The following CACNB4 variants were observed in gnomAD, a reference collection of about 807,000 sequenced individuals.
The protein encoded by CACNB4 is voltage-dependent L-type calcium channel subunit beta-4.
CACNB4 carries 32 observed loss-of-function variants against 71.2 expected under a neutral mutation model. The observed-to-expected ratio is 0.45, with a 90% CI of 0.34 to 0.60. The LOEUF is 0.60. CACNB4 is among the 20% of genes least tolerant of loss of function. CACNB4 has a pLI of 0.01. For missense variants in CACNB4, 464 were observed against 647.9 expected (o/e 0.72, Z 3.08); for synonymous variants, 231 against 236.9 (o/e 0.97, Z 0.23).
At chr2:151,844,065 A>T (rs1475106407) in intron 12 of CACNB4, among the ~76,000 whole-genome samples, 1 of 152,174 alleles carries the variant, frequency 6.6e-6, no homozygotes, top group Non-Finnish European at 1.5e-5. Flanking sequence ...AACCAAGAAC[A>T]GTTATTAGTA....
chr2:151,981,363 A>G (rs2099874689), intron 2 of CACNB4, among the ~76,000 whole-genome samples: 1 of 152,096 alleles, frequency 6.6e-6, no homozygotes, highest in South Asian at 2.1e-4. Flanking sequence ...AGCCTAGTCT[A>G]GTAGATATTT....
chr2:151,883,282 T>C lies in CACNB4; in HGVS notation c.236A>G (p.Gln79Arg). The change falls in exon 3 of 14, where the codon CAG (glutamine) becomes CGG (arginine). Residue 79 changes from glutamine (Q) to arginine (R), a missense_variant. Around this residue, in one of 3 missense-constraint regions of CACNB4, gnomAD observed 299 missense variants for 471.7 expected, o/e 0.63. Coordinates refer to ENST00000539935, the MANE Select transcript of CACNB4 (RefSeq NM_000726.5). ...TCTCTCAAGCTGGATAGCTGCTTGC[T>C]GTTCTCTCTCCTGTCGAATTGCTTC... Reference protein sequence around the residue: ...DREAIRQEREQQAAIQLERAK... With the variant: ...DREAIRQERERQAAIQLERAK... 1 of 1,614,002 alleles carries C rather than the reference T, an allele frequency of 6.2e-7. No individual in the cohort carries two copies. Among genetic ancestry groups the C allele is most frequent in the Non-Finnish European group, 8.5e-7 (1 of 1,179,870 alleles).
At chr2:151,854,696 C>A (rs115819559) in intron 11 of CACNB4, among the ~76,000 whole-genome samples, 1,536 of 152,308 alleles carry the variant, frequency 0.01, 24 homozygotes, top group African/African-American at 0.035. Flanking sequence ...AAGCAAATTT[C>A]CCATTGTGCT....
In CACNB4 at chr2:151,871,899, C is replaced by T. The variant is rs549210839; in HGVS notation, c.598+518G>A. 14 of 155,500 alleles carry T rather than the reference C, an allele frequency of 9.0e-5. No homozygotes were observed. In the South Asian group the frequency reaches 1.4e-3, roughly 15 times the overall value. The allele number at this position is 155,500 out of a possible 1,614,324, so 9.6% of individuals were successfully genotyped here. On this transcript the variant is annotated intron_variant, in intron 6 of 13. Transcript: ENST00000539935. Reference sequence around the variant, plus strand: ...CAATTCCCTATTAGGCCACCAATATCTCTTCATTACCATTAATTCCAGGGC... The same window carrying T: ...CAATTCCCTATTAGGCCACCAATATTTCTTCATTACCATTAATTCCAGGGC...
In CACNB4 at chr2:151,870,610, G is replaced by A. The variant is rs750116399; in HGVS notation, c.620C>T (p.Thr207Met). 48 of 1,612,626 alleles carry A rather than the reference G, an allele frequency of 3.0e-5. No individual in the cohort carries two copies. The highest frequency in any genetic ancestry group is 1.6e-4 in the East Asian group (7 of 44,886). ...AACATCGTAAGGAGGAATGTGCTCC[G>A]TCTGAAAAAGATGATTCGACACGCG... ...TSTAKQKQKV[T>M]EHIPPYDVVP... Residue 207 changes from threonine to methionine, a missense_variant and splice_region_variant, in exon 8 of 14, where the codon ACG becomes ATG. Physicochemically the swap from Thr to Met is moderately conservative, Grantham distance 81. This residue lies in a region of CACNB4 where 299 missense variants were observed against 471.7 expected (regional missense o/e 0.63). Transcript: ENST00000539935.
intron 3 of CACNB4, among the ~76,000 whole-genome samples, chr2:151,881,479 G>A (rs2099847830): frequency 6.6e-6 from 1 of 152,210 alleles, no homozygotes; most frequent in Non-Finnish European, 1.5e-5. Flanking sequence ...TCTAGCTAAC[G>A]AAGCTGGTTT....
At chr2:152,073,039 T>G (rs532814200) in intron 2 of CACNB4, among the ~76,000 whole-genome samples, 10 of 152,278 alleles carry the variant, frequency 6.6e-5, no homozygotes, top group Admixed American at 1.3e-4. Context: ...AACTTACGCT[T>G]TTGCTGAAAA....
At chr2:151,872,621 G>T in intron 5 of CACNB4, 128 bp from the exon 6 acceptor site, 1 of 582,120 alleles carries the variant, frequency 1.7e-6, no homozygotes, top group Non-Finnish European at 3.0e-6. Flanking sequence ...CTGCTATAAA[G>T]AATTTCAAGA....
rs1310215854 is a variant in CACNB4, at chr2:151,968,903, AT to A, written c.148-85534del. The A allele has an allele frequency of 2.6e-5, 4 of 152,378 alleles. No individual in the cohort carries two copies. The East Asian group carries it at 7.7e-4, about 29-fold the overall frequency. 9.4% of individuals were successfully genotyped at this position (152,378 alleles called of 1,614,324 possible). A position where few individuals can be genotyped will look rare whatever the true frequency, so the allele number is the denominator to read the frequency against. On this transcript the variant is annotated intron_variant, in intron 2 of 13. Transcript: ENST00000539935. ...AGAAAATTAACAAGAAAGCAGCAAG[AT>A]TGACAAGCTGGAACAGCAAATTCAT...
chr2:151,924,066 C>T (rs1364984431), intron 2 of CACNB4, among the ~76,000 whole-genome samples: 2 of 129,282 alleles, frequency 1.5e-5, no homozygotes, highest in Non-Finnish European at 3.3e-5. Flanking sequence ...GTAATCTATT[C>T]TGAAATCTTT....
intron 2 of CACNB4, among the ~76,000 whole-genome samples, chr2:151,954,217 T>A (rs965012272): frequency 6.6e-6 from 1 of 152,208 alleles, no homozygotes; most frequent in Admixed American, 6.5e-5. Context: ...TAAACCAGAG[T>A]GGCATGGTTT....
intron 2 of CACNB4, among the ~76,000 whole-genome samples, chr2:151,938,216 G>A (rs1179408235): frequency 6.6e-6 from 1 of 152,200 alleles, no homozygotes; most frequent in African/African-American, 2.4e-5. Context: ...AATAAGGAGA[G>A]TAAAAACCTT....
intron 2 of CACNB4, among the ~76,000 whole-genome samples, chr2:152,056,238 G>A (rs1020486378): frequency 6.6e-6 from 1 of 151,858 alleles, no homozygotes; most frequent in Non-Finnish European, 1.5e-5. Flanking sequence ...GGCAGGGCCT[G>A]TAGTCCCAGC....
At chr2:152,075,566 G>A (rs145346259) in intron 2 of CACNB4, among the ~76,000 whole-genome samples, 151 of 152,248 alleles carry the variant, frequency 9.9e-4, no homozygotes, top group Middle Eastern at 3.4e-3. Context: ...TGAAGGACAC[G>A]GGCAGTGTGG....
intron 5 of CACNB4, among the ~76,000 whole-genome samples, chr2:151,875,583 C>T (rs1184108276): frequency 2.7e-5 from 4 of 147,512 alleles, no homozygotes; most frequent in Non-Finnish European, 6.0e-5. Context: ...GGCAGAGGCG[C>T]CCCTCACCTC....
intron 2 of CACNB4, among the ~76,000 whole-genome samples, chr2:152,069,975 T>C (rs1322358360): frequency 6.6e-6 from 1 of 151,548 alleles, no homozygotes; most frequent in Non-Finnish European, 1.5e-5. Context: ...CCTGAGTAGC[T>C]GCGACTACAG....
chr2:151,871,779 G>T (rs2099844699), intron 6 of CACNB4: 1 of 153,532 alleles, frequency 6.5e-6, no homozygotes, highest in Admixed American at 6.5e-5. Context: ...TGCAACAGCA[G>T]TTCTAGGCCA....
chr2:151,916,750 T>TG (rs999801275), intron 2 of CACNB4, among the ~76,000 whole-genome samples: 7 of 152,246 alleles, frequency 4.6e-5, no homozygotes, highest in African/African-American at 1.7e-4. Context: ...ACTATGGGTT[T>TG]AGAACAGTGG....
At chr2:152,060,912 A>C (rs1023237188) in intron 2 of CACNB4, among the ~76,000 whole-genome samples, 1 of 152,256 alleles carries the variant, frequency 6.6e-6, no homozygotes, top group Non-Finnish European at 1.5e-5. Flanking sequence ...AAGATGTAAC[A>C]AAATGTTAAT....
Sources: gnomAD v4.1 joint callset for allele counts (sites outside exome capture counted in the v4.1 genomes callset) on GRCh38, gnomAD v4.1.1 for gene constraint, gnomAD v4.1.1 regional missense constraint, MANE v1.5 for transcripts, NCBI Gene and HGNC (gene_info 2026-07-23, HGNC 2026-07-21) for gene names.